The following CSMD2 variants were observed in gnomAD, a reference collection of about 807,000 sequenced individuals.
CSMD2 encodes the protein CUB and sushi domain-containing protein 2.
In CSMD2, 130 loss-of-function variants were observed where a neutral mutation model predicts 398.5. The ratio of observed to expected loss-of-function variants is 0.33; its 90% CI spans 0.28 to 0.38. The LOEUF (loss-of-function observed/expected upper bound fraction) is 0.38, where lower values mean the gene tolerates loss of function less well. Ranked by LOEUF, CSMD2 falls within the 10% of genes least tolerant of loss-of-function variation. The probability of loss-of-function intolerance (pLI) is 1.00; values close to 1 mark genes in which losing one functional copy is unlikely to be tolerated. For missense variants in CSMD2, 3,829 were observed against 4,764.9 expected, an observed-to-expected ratio of 0.80 and a Z score of 5.78; for synonymous variants, 1,828 against 1,908.5, an observed-to-expected ratio of 0.96 and a Z score of 1.10.
intron 58 of CSMD2, among the ~76,000 whole-genome samples, 200 bp downstream of exon 58, chr1:33,542,520 T>C (rs150774983): frequency 6.6e-6 from 1 of 152,326 alleles, no homozygotes; most frequent in African/African-American, 2.4e-5. Context: ...TCAAATGAAA[T>C]GTGCATATGA....
At chr1:33,574,939 T>A (rs1413844056) in intron 49 of CSMD2, among the ~76,000 whole-genome samples, 1 of 152,188 alleles carries the variant, frequency 6.6e-6, no homozygotes, top group Admixed American at 6.5e-5. Flanking sequence ...GGAGAGTCAA[T>A]CCAGGGAGGG....
chr1:33,792,475 G>T lies in CSMD2; in HGVS notation c.1498C>A (p.Leu500Met), dbSNP rs369787529. Residue 500 changes from leucine to methionine, a missense_variant, in exon 11 of 71, where the codon CTG becomes ATG. Leu to Met is a conservative substitution (Grantham distance 15). Around this residue, in one of 5 missense-constraint regions of CSMD2, gnomAD observed 2,001 missense variants for 2,567.1 expected, o/e 0.78. Transcript: ENST00000373381. ...EFDLERGYDT[L>M]TVGDGGQDGD... ...TCCTGACCACCATCACCGACCGTCA[G>T]GGTGTCATAGCCCCTCTCCAAATCA... 1.9e-6 allele frequency: 3 copies of T among 1,613,920 alleles called. No individual in the cohort carries two copies. Among genetic ancestry groups the T allele is most frequent in the African/African-American group, 2.7e-5 (2 of 74,884 alleles).
At chr1:33,871,720 G>T (rs957348107) in intron 5 of CSMD2, among the ~76,000 whole-genome samples, 2 of 152,150 alleles carry the variant, frequency 1.3e-5, no homozygotes, top group Non-Finnish European at 2.9e-5. Context: ...GGGTTCAAGT[G>T]ATTCTCCTGT....
At chr1:33,668,090 C>T (rs929730052) in intron 25 of CSMD2, among the ~76,000 whole-genome samples, 6 of 152,044 alleles carry the variant, frequency 3.9e-5, no homozygotes, top group African/African-American at 1.4e-4. Context: ...TGCCAAGCCA[C>T]ATGGAGAGCA....
chr1:33,928,762 G>A (rs551279055), intron 4 of CSMD2, among the ~76,000 whole-genome samples: 4 of 152,310 alleles, frequency 2.6e-5, no homozygotes, highest in East Asian at 1.9e-4. Context: ...AGCTGTGGTC[G>A]CTGTTGAGGC....
intron 1 of CSMD2, among the ~76,000 whole-genome samples, chr1:34,120,099 G>A (rs1252870526): frequency 6.6e-6 from 1 of 152,172 alleles, no homozygotes; most frequent in Non-Finnish European, 1.5e-5. Context: ...TTTAAAAAAG[G>A]AAGGAAATCT....
intron 4 of CSMD2, among the ~76,000 whole-genome samples, chr1:33,926,352 G>C (rs1333205984): frequency 6.6e-6 from 1 of 152,186 alleles, no homozygotes; most frequent in Non-Finnish European, 1.5e-5. Flanking sequence ...CTTGATAGTG[G>C]TTTGGTAAGC....
intron 4 of CSMD2, among the ~76,000 whole-genome samples, chr1:33,926,187 G>A (rs180748381): frequency 6.6e-6 from 1 of 152,280 alleles, no homozygotes; most frequent in East Asian, 1.9e-4. Context: ...CATACAGCAG[G>A]CACTTGACTA....
At chr1:34,026,127 C>A (rs576064786) in intron 3 of CSMD2, among the ~76,000 whole-genome samples, 1 of 152,352 alleles carries the variant, frequency 6.6e-6, no homozygotes, top group East Asian at 1.9e-4. Flanking sequence ...ATCCTCACAA[C>A]AGCTCTAAGA....
chr1:34,025,524 G>A (rs531740533), intron 3 of CSMD2, among the ~76,000 whole-genome samples: 1 of 152,102 alleles, frequency 6.6e-6, no homozygotes, highest in Non-Finnish European at 1.5e-5. Context: ...GTGGCCACAG[G>A]GCATCTGTAA....
At chr1:33,926,551 T>C (rs1232279001) in intron 4 of CSMD2, among the ~76,000 whole-genome samples, 1 of 152,170 alleles carries the variant, frequency 6.6e-6, no homozygotes, top group East Asian at 1.9e-4. Flanking sequence ...TCATCCTGTT[T>C]TGATTGAAGA....
chr1:33,712,337 G>A (rs979546055), intron 21 of CSMD2, among the ~76,000 whole-genome samples: 8 of 151,932 alleles, frequency 5.3e-5, no homozygotes, highest in African/African-American at 1.5e-4. Flanking sequence ...CGCCACCCAC[G>A]TCACACCATG....
In CSMD2 at chr1:33,646,743, A is replaced by T; in HGVS notation, c.4679T>A (p.Leu1560His). ...PLIGSFYGSQ[L>H]PGRIESSSNS... Reference sequence around the variant, plus strand: ...GCTGCTGCTTTCAATGCGGCCTGGGAGCTGGGAGCCATAGAAGCTTCCTAT... The same window carrying T: ...GCTGCTGCTTTCAATGCGGCCTGGGTGCTGGGAGCCATAGAAGCTTCCTAT... Residue 1560 changes from leucine (L) to histidine (H), a missense_variant, in exon 29 of 71, where the codon CTC (leucine) becomes CAC (histidine). By Grantham distance (99) the Leu-to-His change is moderately conservative. Coordinates refer to ENST00000373381, the MANE Select transcript of CSMD2 (RefSeq NM_001281956.2). 1 of 1,614,164 alleles carries T rather than the reference A, an allele frequency of 6.2e-7. No individual in the cohort carries two copies. Among genetic ancestry groups the T allele is most frequent in the Non-Finnish European group, 8.5e-7 (1 of 1,180,022 alleles).
chr1:33,587,441 T>G (rs1414825368), intron 44 of CSMD2, among the ~76,000 whole-genome samples: 1 of 152,186 alleles, frequency 6.6e-6, no homozygotes. Context: ...GTTTTCTGAG[T>G]GCCTCGTGGA....
intron 2 of CSMD2, among the ~76,000 whole-genome samples, chr1:34,077,142 C>A (rs1327112544): frequency 6.6e-6 from 1 of 151,088 alleles, no homozygotes; most frequent in Non-Finnish European, 1.5e-5. Context: ...AGAAAGAAGA[C>A]CAGAGTGTTG....
intron 13 of CSMD2, among the ~76,000 whole-genome samples, chr1:33,758,888 G>A (rs1025271838): frequency 6.6e-6 from 1 of 152,208 alleles, no homozygotes; most frequent in Non-Finnish European, 1.5e-5. Flanking sequence ...TAGGCACAAC[G>A]TGGTCCTTCA....
chr1:34,161,891 G>A (rs887645156), intron 1 of CSMD2, among the ~76,000 whole-genome samples: 1 of 152,094 alleles, frequency 6.6e-6, no homozygotes, highest in African/African-American at 2.4e-5. Flanking sequence ...AAGGGAGGGT[G>A]GCCAGGTGCG....
chr1:33,731,975 C>T lies in CSMD2; in HGVS notation c.2369-5290G>A, dbSNP rs187795487. Among the ~76,000 whole-genome samples, 136 of 152,170 alleles carry T rather than the reference C, an allele frequency of 8.9e-4. 1 individual carries two copies. The highest frequency in any genetic ancestry group is 3.5e-3 in the Admixed American group (53 of 15,278). ...GGATATAAATGAAAACAAAATAGGC[C>T]ATGAGTTTATAATTGTTGAGGTTGA... On this transcript the variant is annotated intron_variant, in intron 15 of 70. Coordinates refer to ENST00000373381, the MANE Select transcript of CSMD2 (RefSeq NM_001281956.2).
chr1:33,529,072 A>G (rs1277152546), intron 64 of CSMD2, among the ~76,000 whole-genome samples: 6 of 152,244 alleles, frequency 3.9e-5, no homozygotes, highest in African/African-American at 1.2e-4. Flanking sequence ...CAATAGGCAA[A>G]CAGTCTTAAA....
Sources: gnomAD v4.1 joint callset for allele counts (sites outside exome capture counted in the v4.1 genomes callset) on GRCh38, gnomAD v4.1.1 for gene constraint, gnomAD v4.1.1 regional missense constraint, MANE v1.5 for transcripts, NCBI Gene and HGNC (gene_info 2026-07-23, HGNC 2026-07-21) for gene names.